Variants in SLC12A6 observed in about 807,000 individuals in gnomAD.
SLC12A6 encodes K-Cl cotransporter 3.
SLC12A6 carries 66 observed loss-of-function variants against 135.3 expected under a neutral mutation model. That is an observed-to-expected ratio of 0.49 (90% confidence interval 0.40 to 0.60). The LOEUF (loss-of-function observed/expected upper bound fraction) is 0.60, where lower values mean the gene tolerates loss of function less well. SLC12A6 is among the 20% of genes least tolerant of loss of function. The pLI is 0.00. For synonymous variants in SLC12A6, 513 were observed against 508.8 expected, an observed-to-expected ratio of 1.01 and a Z score of -0.11; for missense variants, 1,058 against 1,452.3, an observed-to-expected ratio of 0.73 and a Z score of 4.41.
At chr15:34,276,593 G>A (rs963352382) in intron 2 of SLC12A6, among the ~76,000 whole-genome samples, 16 of 152,198 alleles carry the variant, frequency 1.1e-4, no homozygotes, top group Non-Finnish European at 1.8e-4. Flanking sequence ...TTCCTTGAAT[G>A]TGCCTGGGGT....
chr15:34,252,095 A>G lies in SLC12A6; in HGVS notation c.1333+75T>C, dbSNP rs948395329. ...ATGGCAGTGAATCTTTATGGACAGTAGAGGAATCTAAGATGACAAGGCCTA... is the reference window on the plus strand; with the variant it reads ...ATGGCAGTGAATCTTTATGGACAGTGGAGGAATCTAAGATGACAAGGCCTA... On this transcript the variant is annotated intron_variant, in intron 10 of 25. Coordinates refer to ENST00000354181, the MANE Select transcript of SLC12A6 (RefSeq NM_001365088.1). 12 of 748,242 alleles carry G rather than the reference A, an allele frequency of 1.6e-5. No homozygotes were observed. The African/African-American group carries it at 2.1e-4, about 13-fold the overall frequency. 46.4% of individuals were successfully genotyped at this position (748,242 alleles called of 1,614,324 possible).
At position 34,257,791 on chromosome 15, in the gene SLC12A6, A is replaced by C; in HGVS notation, c.544-3T>G. ...ATGAAGGTACCCATTTGGGGGGTCT[A>C]GAAAGAAAGACATTGATAAAAAATC... On this transcript the variant is annotated splice_polypyrimidine_tract_variant and splice_region_variant and intron_variant, in intron 5 of 25. Transcript: ENST00000354181. 1 of 1,595,892 alleles carries C rather than the reference A, an allele frequency of 6.3e-7. No homozygotes were observed. The highest frequency in any genetic ancestry group is 8.6e-7 in the Non-Finnish European group (1 of 1,164,012).
intron 2 of SLC12A6, among the ~76,000 whole-genome samples, chr15:34,300,793 C>CAAAAA (rs71763739): frequency 5.1e-5 from 5 of 98,858 alleles, no homozygotes; most frequent in African/African-American, 5.8e-5. Flanking sequence ...GACTCCGTCT[C>CAAAAA]AAAAAAAAAA....
At chr15:34,297,891 G>A (rs906053788) in intron 2 of SLC12A6, among the ~76,000 whole-genome samples, 6 of 152,076 alleles carry the variant, frequency 3.9e-5, no homozygotes, top group Admixed American at 2.6e-4. Context: ...GTACAAAAAT[G>A]CAAAAAGAAA....
chr15:34,310,591 G>C (rs1459029479), intron 2 of SLC12A6, among the ~76,000 whole-genome samples: 1 of 89,146 alleles, frequency 1.1e-5, no homozygotes, highest in Non-Finnish European at 2.1e-5. Context: ...GTGTGTGTGT[G>C]TCCCCGTGTC....
At chr15:34,335,414 C>G (rs1381719632) in intron 2 of SLC12A6, among the ~76,000 whole-genome samples, 1 of 152,160 alleles carries the variant, frequency 6.6e-6, no homozygotes, top group Non-Finnish European at 1.5e-5. Context: ...GTGAGTAAGC[C>G]TTGCTTTCAC....
intron 3 of SLC12A6, among the ~76,000 whole-genome samples, chr15:34,269,874 T>C (rs1441524120): frequency 6.6e-6 from 1 of 152,218 alleles, no homozygotes; most frequent in African/African-American, 2.4e-5. Context: ...TCTTTCCTTT[T>C]GAGATATTAG....
At chr15:34,295,764 C>T (rs1023254098) in intron 2 of SLC12A6, among the ~76,000 whole-genome samples, 10 of 152,068 alleles carry the variant, frequency 6.6e-5, no homozygotes, top group Non-Finnish European at 1.2e-4. Flanking sequence ...TTTGGGAGGC[C>T]AAGGTAGGCG....
intron 2 of SLC12A6, among the ~76,000 whole-genome samples, chr15:34,278,814 C>T (rs1894474876): frequency 6.6e-6 from 1 of 152,028 alleles, no homozygotes; most frequent in Non-Finnish European, 1.5e-5. Context: ...CATGATCCAC[C>T]TGCCTCAGCC....
At chr15:34,286,485 CTCCATTT>C (rs1895088269) in intron 2 of SLC12A6, among the ~76,000 whole-genome samples, 1 of 152,060 alleles carries the variant, frequency 6.6e-6, no homozygotes, top group Admixed American at 6.6e-5. Context: ...AAAAGGAGAG[CTCCATTT>C]TCCATTTTTA....
chr15:34,256,040 A>T (rs1386525613), intron 7 of SLC12A6, among the ~76,000 whole-genome samples, 189 bp downstream of exon 7: 1 of 152,190 alleles, frequency 6.6e-6, no homozygotes, highest in African/African-American at 2.4e-5. Flanking sequence ...TTTAAAAAAT[A>T]AAGAGATTTT....
At chr15:34,242,079 A>G (rs1183579504) in intron 17 of SLC12A6, 23 bp downstream of exon 17, 5 of 1,591,964 alleles carry the variant, frequency 3.1e-6, no homozygotes. Context: ...TTTAGCAGTG[A>G]TCAAGATTAA....
intron 2 of SLC12A6, among the ~76,000 whole-genome samples, chr15:34,297,599 G>A (rs1895958434): frequency 6.6e-6 from 1 of 152,214 alleles, no homozygotes; most frequent in Non-Finnish European, 1.5e-5. Context: ...CATCTCACTA[G>A]CAGGAAGCAG....
intron 2 of SLC12A6, among the ~76,000 whole-genome samples, chr15:34,306,352 G>A (rs1657471479): frequency 6.6e-6 from 1 of 151,650 alleles, no homozygotes; most frequent in Non-Finnish European, 1.5e-5. Context: ...CAGCCACAGG[G>A]ATGGGAAGAT....
chr15:34,255,201 A>C, intron 8 of SLC12A6, 61 bp downstream of exon 8: 2 of 1,329,770 alleles, frequency 1.5e-6, no homozygotes, highest in South Asian at 2.4e-5. Context: ...TTTCATAGCA[A>C]AGAATAAACC....
Position 34,254,539 on chromosome 15 carries a change from C to T in SLC12A6, c.927G>A (p.Lys309=). ...TGTTATTTAGCATGGCTGCTGATTC[C>T]TTGAGTGCGTCATCACTGTGAAAGA... ...AAIFHSDDAL[K]ESAAMLNNMR... Residue 309 remains lysine, a synonymous_variant, in exon 9 of 26, where the codon AAG becomes AAA. Coordinates refer to ENST00000354181, the MANE Select transcript of SLC12A6 (RefSeq NM_001365088.1). 6.2e-7 allele frequency: 1 copy of T among 1,610,716 alleles called. No homozygotes were observed. Among genetic ancestry groups the T allele is most frequent in the Non-Finnish European group, 8.5e-7 (1 of 1,176,906 alleles).
intron 13 of SLC12A6, among the ~76,000 whole-genome samples, chr15:34,248,897 T>C (rs1892191133): frequency 6.6e-6 from 1 of 152,156 alleles, no homozygotes; most frequent in Non-Finnish European, 1.5e-5. Context: ...TAACCTATTC[T>C]AAGCAAAGGA....
chr15:34,286,473 C>T (rs1052375197), intron 2 of SLC12A6, among the ~76,000 whole-genome samples: 7 of 152,008 alleles, frequency 4.6e-5, no homozygotes, highest in Non-Finnish European at 1.0e-4. Context: ...ATTCATAAGT[C>T]TAAAAGGAGA....
chr15:34,253,664 G>A (rs190212935), intron 9 of SLC12A6, among the ~76,000 whole-genome samples: 13 of 152,260 alleles, frequency 8.5e-5, no homozygotes, highest in East Asian at 1.9e-4. Context: ...ACATAGAACC[G>A]ATGAGTTTGA....
Sources: gnomAD v4.1 joint callset for allele counts (sites outside exome capture counted in the v4.1 genomes callset) on GRCh38, gnomAD v4.1.1 for gene constraint, MANE v1.5 for transcripts, NCBI Gene and HGNC (gene_info 2026-07-23, HGNC 2026-07-21) for gene names.